Variants in GTF3C1 observed in about 807,000 individuals in gnomAD.
GTF3C1 encodes general transcription factor IIIC subunit 1, also known as general transcription factor 3C polypeptide 1.
Under a neutral mutation model 226.7 loss-of-function variants are expected in GTF3C1, and 57 were observed. That is an observed-to-expected ratio of 0.25 (90% CI 0.20 to 0.31). GTF3C1 has a LOEUF of 0.31. Ranked by LOEUF, GTF3C1 falls within the 10% of genes least tolerant of loss-of-function variation. The probability of loss-of-function intolerance (pLI) is 1.00; values close to 1 mark genes in which losing one functional copy is unlikely to be tolerated. For missense variants in GTF3C1, 2,217 were observed against 2,776.1 expected, an observed-to-expected ratio of 0.80 and a Z score of 4.53; for synonymous variants, 1,090 against 1,084.8, an observed-to-expected ratio of 1.00 and a Z score of -0.09.
At chr16:27,477,704 T>C (rs1203490756) in intron 28 of GTF3C1, among the ~76,000 whole-genome samples, 1 of 152,222 alleles carries the variant, frequency 6.6e-6, no homozygotes, top group Non-Finnish European at 1.5e-5. Flanking sequence ...ATCAACTCTT[T>C]GTTATTGATA....
At chr16:27,486,979 G>A (rs527739175) in intron 23 of GTF3C1, among the ~76,000 whole-genome samples, 20 of 152,232 alleles carry the variant, frequency 1.3e-4, no homozygotes, top group Admixed American at 3.3e-4. Flanking sequence ...CCTTGAGAGC[G>A]TAGCCACAGG....
intron 19 of GTF3C1, 63 bp from the exon 20 acceptor site, chr16:27,489,806 C>T (rs1265838001): frequency 1.9e-6 from 3 of 1,542,206 alleles, no homozygotes; most frequent in Non-Finnish European, 2.6e-6. Flanking sequence ...GTGGCTACTA[C>T]CTCTGGCTGG....
chr16:27,527,177 C>A (rs546719117), intron 6 of GTF3C1, among the ~76,000 whole-genome samples: 1 of 152,342 alleles, frequency 6.6e-6, no homozygotes, highest in East Asian at 1.9e-4. Flanking sequence ...CACTGCACTC[C>A]AGCCTGGGAA....
intron 5 of GTF3C1, among the ~76,000 whole-genome samples, chr16:27,529,122 G>A (rs1185510481): frequency 6.6e-6 from 1 of 151,846 alleles, no homozygotes; most frequent in Non-Finnish European, 1.5e-5. Flanking sequence ...ATGGGCAGGA[G>A]AGAAAAAAAA....
rs763292090 is a variant in GTF3C1 at position 27,484,243 on chromosome 16, T to C, written c.3969A>G (p.Ile1323Met). The change falls in exon 25 of 37, where the codon ATA becomes ATG. Residue 1323 changes from isoleucine to methionine, a missense_variant. Coordinates refer to ENST00000356183, the MANE Select transcript of GTF3C1 (RefSeq NM_001520.4). The part of the protein sequence containing the change: ...SHSVGRRARY[I>M]VKNPQAYLNY... Reference sequence around the variant, plus strand: ...TGAGATAGGCCTGTGGGTTTTTGACTATGTAGCGAGCTCTTCGTCCAACGG... The same window carrying C: ...TGAGATAGGCCTGTGGGTTTTTGACCATGTAGCGAGCTCTTCGTCCAACGG... 3 of 1,609,288 alleles carry C rather than the reference T, an allele frequency of 1.9e-6. No individual in the cohort carries two copies. Among genetic ancestry groups the C allele is most frequent in the East Asian group, 2.2e-5 (1 of 44,858 alleles).
chr16:27,521,363 G>A (rs1255772721), intron 6 of GTF3C1, among the ~76,000 whole-genome samples: 3 of 152,256 alleles, frequency 2.0e-5, no homozygotes, highest in African/African-American at 7.2e-5. Flanking sequence ...TCAGCGTGTG[G>A]CCAGTCACCC....
At chr16:27,521,701 T>C (rs868250901) in intron 6 of GTF3C1, among the ~76,000 whole-genome samples, 9 of 152,260 alleles carry the variant, frequency 5.9e-5, no homozygotes, top group Non-Finnish European at 7.3e-5. Context: ...CATATTAACA[T>C]GTCTTTCTTT....
intron 6 of GTF3C1, among the ~76,000 whole-genome samples, chr16:27,523,538 C>T (rs919405124): frequency 6.6e-6 from 1 of 151,970 alleles, no homozygotes; most frequent in Non-Finnish European, 1.5e-5. Flanking sequence ...GGCAAAAAAA[C>T]CCTGAAAACT....
intron 5 of GTF3C1, among the ~76,000 whole-genome samples, chr16:27,531,273 G>A (rs999586902): frequency 6.6e-6 from 1 of 152,202 alleles, no homozygotes; most frequent in African/African-American, 2.4e-5. Context: ...GCCACACAAT[G>A]TGCCAGCTGC....
intron 19 of GTF3C1, among the ~76,000 whole-genome samples, chr16:27,491,617 G>A (rs150400054): frequency 6.6e-6 from 1 of 152,266 alleles, no homozygotes; most frequent in Non-Finnish European, 1.5e-5. Flanking sequence ...GGGAGAGAGA[G>A]GGGTGTGGGC....
At chr16:27,512,726 A>G (rs529009467) in intron 6 of GTF3C1, among the ~76,000 whole-genome samples, 165 of 152,370 alleles carry the variant, frequency 1.1e-3, no homozygotes, top group African/African-American at 3.9e-3. Flanking sequence ...ATATACGTAT[A>G]TGTAGGTAAG....
intron 5 of GTF3C1, among the ~76,000 whole-genome samples, chr16:27,532,526 G>T (rs576653337): frequency 1.6e-4 from 25 of 152,220 alleles, no homozygotes; most frequent in African/African-American, 6.0e-4. Context: ...CAGTCAGATT[G>T]GAAGCAGCTC....
At chr16:27,485,537 G>A (rs2088126000) in intron 24 of GTF3C1, among the ~76,000 whole-genome samples, 1 of 152,244 alleles carries the variant, frequency 6.6e-6, no homozygotes, top group African/African-American at 2.4e-5. Flanking sequence ...AGGCAATGAA[G>A]GTGGGAGGAA....
Position 27,505,910 on chromosome 16 carries a change from C to T in GTF3C1, c.1759G>A (p.Glu587Lys), listed in dbSNP as rs775678544. Residue 587 changes from glutamate to lysine, a missense_variant, in exon 10 of 37, where the codon GAA (glutamate) becomes AAA (lysine). Coordinates refer to ENST00000356183, the MANE Select transcript of GTF3C1 (RefSeq NM_001520.4). ...DIAVIEEVRM[E>K]NPKESSSSLK... is the part of the protein sequence containing the mutation. ...CTGCATGCACTGACCTTTGGGTTTT[C>T]CATCCGGACCTCCTCGATCACAGCT... is the stretch of plus-strand genomic sequence containing the variant. The T allele has an allele frequency of 1.2e-6, 2 of 1,601,182 alleles. No homozygotes were observed. The highest frequency in any genetic ancestry group is 1.7e-6 in the Non-Finnish European group (2 of 1,168,200).
At chr16:27,514,291 G>T (rs576072718) in intron 6 of GTF3C1, among the ~76,000 whole-genome samples, 1 of 152,316 alleles carries the variant, frequency 6.6e-6, no homozygotes, top group African/African-American at 2.4e-5. Context: ...TCTGCCCTGT[G>T]CTCCAGGCCC....
At chr16:27,514,906 C>T (rs1233853023) in intron 6 of GTF3C1, among the ~76,000 whole-genome samples, 1 of 152,166 alleles carries the variant, frequency 6.6e-6, no homozygotes, top group African/African-American at 2.4e-5. Flanking sequence ...GGCGCGGCGC[C>T]AGGGACGCTG....
intron 1 of GTF3C1, among the ~76,000 whole-genome samples, chr16:27,547,672 C>T (rs2089184659): frequency 6.6e-6 from 1 of 151,368 alleles, no homozygotes; most frequent in Non-Finnish European, 1.5e-5. Flanking sequence ...AAAGGATAAG[C>T]TTTTTTTTTG....
rs758661203 is a variant in GTF3C1, at chr16:27,549,843, G to C, written c.48C>G (p.Leu16=). The change falls in exon 1 of 37, where the codon CTC becomes CTG. Residue 16 remains leucine (L), a synonymous_variant. Coordinates refer to ENST00000356183, the MANE Select transcript of GTF3C1 (RefSeq NM_001520.4). ...ACAGCGCTGGCAGACACAGGCCATC[G>C]AGCCCCTCCAGAGCGACTTCGTCCA... The part of the protein sequence containing the change: ...SLLDEVALEG[L]DGLCLPALWS... 1.2e-6 allele frequency: 2 copies of C among 1,613,078 alleles called. No homozygotes were observed. Among genetic ancestry groups the C allele is most frequent in the African/African-American group, 2.7e-5 (2 of 75,058 alleles).
intron 23 of GTF3C1, among the ~76,000 whole-genome samples, chr16:27,487,790 C>T (rs768419546): frequency 2.6e-5 from 4 of 151,908 alleles, no homozygotes; most frequent in African/African-American, 7.3e-5. Context: ...GAGACTCTGA[C>T]GCAAAAAAAT....
Sources: allele counts gnomAD v4.1 joint callset (sites outside exome capture counted in the v4.1 genomes callset), GRCh38; gene constraint gnomAD v4.1.1; transcripts MANE v1.5; gene names NCBI Gene and HGNC (gene_info 2026-07-23, HGNC 2026-07-21).